Variants in WDR72 observed in about 807,000 individuals in gnomAD.
WDR72 encodes the protein WD repeat domain 72.
Under a neutral mutation model 124.2 loss-of-function variants are expected in WDR72, and 120 were observed. The observed-to-expected ratio is 0.97, with a 90% CI of 0.83 to 1.12. The LOEUF (loss-of-function observed/expected upper bound fraction) is 1.12. Ranked by LOEUF, WDR72 falls within the 50% of genes most tolerant of loss-of-function variation. WDR72 has a pLI of 0.00. For synonymous variants in WDR72, 452 were observed against 441.7 expected (o/e 1.02, Z -0.29); for missense variants, 1,387 against 1,278.8 (o/e 1.08, Z -1.29).
chr15:53,608,688 C>G (rs886092016), intron 17 of WDR72, among the ~76,000 whole-genome samples: 2 of 151,708 alleles, frequency 1.3e-5, no homozygotes, highest in African/African-American at 4.8e-5. Context: ...CCTGGAAGAA[C>G]GAGGCTGCAG....
At chr15:53,538,667 A>G (rs1892894745) in intron 18 of WDR72, among the ~76,000 whole-genome samples, 1 of 152,176 alleles carries the variant, frequency 6.6e-6, no homozygotes, top group Non-Finnish European at 1.5e-5. Context: ...AGGTGAAAAA[A>G]TAGACTTATT....
chr15:53,535,485 C>T (rs1254914903), intron 18 of WDR72, among the ~76,000 whole-genome samples: 2 of 152,164 alleles, frequency 1.3e-5, no homozygotes, highest in South Asian at 4.2e-4. Flanking sequence ...AATTTTTTGC[C>T]AGATTATGGC....
At chr15:53,716,121 A>C (rs975490893) in intron 4 of WDR72, among the ~76,000 whole-genome samples, 18 of 152,202 alleles carry the variant, frequency 1.2e-4, no homozygotes, top group African/African-American at 4.3e-4. Context: ...CAACCACACT[A>C]CATATGCTTG....
chr15:53,572,398 T>A (rs1894564922), intron 18 of WDR72, among the ~76,000 whole-genome samples: 1 of 139,462 alleles, frequency 7.2e-6, no homozygotes, highest in African/African-American at 2.6e-5. Context: ...ATTTTTTGTA[T>A]ACGGTGTGAG....
At chr15:53,747,781 A>G (rs1259689332) in intron 1 of WDR72, among the ~76,000 whole-genome samples, 3 of 152,202 alleles carry the variant, frequency 2.0e-5, no homozygotes, top group Non-Finnish European at 4.4e-5. Context: ...CAAGGAAATG[A>G]GCATTAGATG....
chr15:53,548,874 AAC>A (rs1756896400), intron 18 of WDR72, among the ~76,000 whole-genome samples: 1 of 152,192 alleles, frequency 6.6e-6, no homozygotes. Flanking sequence ...CAGCAATGCA[AAC>A]AGTGTTTCCA....
At chr15:53,707,457 T>TA (rs908915959) in intron 9 of WDR72, among the ~76,000 whole-genome samples, 7 of 151,630 alleles carry the variant, frequency 4.6e-5, no homozygotes, top group Admixed American at 3.9e-4. Flanking sequence ...AAATGAATTT[T>TA]TTTTTTTGAG....
intron 18 of WDR72, among the ~76,000 whole-genome samples, chr15:53,540,162 T>C (rs959016563): frequency 8.5e-5 from 13 of 152,224 alleles, no homozygotes; most frequent in South Asian, 8.3e-4. Context: ...AAACTAACGA[T>C]AGATAATGTT....
In WDR72 at chr15:53,681,486, A is replaced by G. The variant is rs370632368; in HGVS notation, c.1766-15718T>C. Among the ~76,000 whole-genome samples, 71 of 152,266 alleles carry G rather than the reference A, an allele frequency of 4.7e-4. 4 individuals carry two copies. The East Asian group carries it at 5.4e-3, about 12-fold the overall frequency. ...ATTAAATGCAGATACCAGATACATAACAAACTACTCAGCCAGAACTCAATC... is the reference window on the plus strand; with the variant it reads ...ATTAAATGCAGATACCAGATACATAGCAAACTACTCAGCCAGAACTCAATC... On this transcript the variant is annotated intron_variant, in intron 13 of 19. Coordinates refer to ENST00000360509, the MANE Select transcript of WDR72 (RefSeq NM_182758.4).
intron 18 of WDR72, among the ~76,000 whole-genome samples, chr15:53,596,001 C>T (rs575843742): frequency 3.0e-4 from 46 of 152,212 alleles, no homozygotes; most frequent in African/African-American, 1.1e-3. Flanking sequence ...TTTCATTTCT[C>T]TCTACATAAC....
intron 14 of WDR72, among the ~76,000 whole-genome samples, chr15:53,624,983 T>C (rs1048186848): frequency 6.6e-6 from 1 of 152,226 alleles, no homozygotes; most frequent in African/African-American, 2.4e-5. Flanking sequence ...AAGGCTGTAG[T>C]TAATATTAAC....
chr15:53,661,607 C>T (rs1024404185), intron 14 of WDR72, among the ~76,000 whole-genome samples: 1 of 151,976 alleles, frequency 6.6e-6, no homozygotes, highest in African/African-American at 2.4e-5. Context: ...AATACTTATC[C>T]CTGGTCTAGT....
intron 14 of WDR72, among the ~76,000 whole-genome samples, chr15:53,657,064 A>G (rs1054293955): frequency 6.6e-6 from 1 of 152,014 alleles, no homozygotes; most frequent in Non-Finnish European, 1.5e-5. Flanking sequence ...GGAGATCGAG[A>G]CCATCCTGGC....
At chr15:53,610,612 G>A (rs1447710156) in intron 16 of WDR72, among the ~76,000 whole-genome samples, 1 of 151,638 alleles carries the variant, frequency 6.6e-6, no homozygotes, top group African/African-American at 2.4e-5. Context: ...CACATTAGCA[G>A]TCAAGGAAAA....
intron 18 of WDR72, among the ~76,000 whole-genome samples, chr15:53,563,883 A>G (rs140747978): frequency 3.8e-4 from 58 of 151,896 alleles, no homozygotes; most frequent in African/African-American, 1.4e-3. Context: ...TGCATCAGCA[A>G]TCTTGGGCTG....
At chr15:53,645,587 G>T (rs2140418702) in intron 14 of WDR72, among the ~76,000 whole-genome samples, 1 of 152,240 alleles carries the variant, frequency 6.6e-6, no homozygotes, top group South Asian at 2.1e-4. Context: ...TTTTTAAAAT[G>T]ATGTACTAAG....
At chr15:53,650,948 TAAATC>T (rs1033249610) in intron 14 of WDR72, among the ~76,000 whole-genome samples, 16 of 126,230 alleles carry the variant, frequency 1.3e-4, no homozygotes, top group African/African-American at 4.6e-4. Context: ...TTTCAAAACA[TAAATC>T]AAATCATGTT....
intron 13 of WDR72, among the ~76,000 whole-genome samples, chr15:53,695,962 A>C (rs1221471627): frequency 2.6e-5 from 4 of 152,048 alleles, no homozygotes; most frequent in African/African-American, 9.7e-5. Flanking sequence ...ATACTCCCCA[A>C]GCTCCCACCA....
intron 14 of WDR72, among the ~76,000 whole-genome samples, chr15:53,636,049 CT>C (rs1404426676): frequency 2.0e-5 from 3 of 152,028 alleles, no homozygotes; most frequent in African/African-American, 7.2e-5. Context: ...GCTAATTTTT[CT>C]TTTATTGCTT....
Sources: gnomAD v4.1 joint callset for allele counts (sites outside exome capture counted in the v4.1 genomes callset) on GRCh38, gnomAD v4.1.1 for gene constraint, MANE v1.5 for transcripts, NCBI Gene and HGNC (gene_info 2026-07-23, HGNC 2026-07-21) for gene names.